Variants in L2HGDH observed in about 807,000 individuals in gnomAD.
L2HGDH encodes L-2-hydroxyglutarate dehydrogenase, mitochondrial.
A neutral mutation model predicts 51.5 loss-of-function variants in L2HGDH; 34 were observed. The observed-to-expected ratio is 0.66, with a 90% CI of 0.50 to 0.88. The LOEUF (loss-of-function observed/expected upper bound fraction) is 0.88. Among genes scored for constraint, L2HGDH ranks in the 40% least tolerant of loss-of-function variants. The pLI, the probability that L2HGDH is intolerant of heterozygous loss-of-function variation, is 0.00. For synonymous variants in L2HGDH, 198 were observed against 197.9 expected, an observed-to-expected ratio of 1.00 and a Z score of -0.01; for missense variants, 558 against 571.9, an observed-to-expected ratio of 0.98 and a Z score of 0.25.
chr14:50,284,789 G>A (rs1890474033), intron 4 of L2HGDH, among the ~76,000 whole-genome samples: 3 of 152,168 alleles, frequency 2.0e-5, no homozygotes, highest in Non-Finnish European at 4.4e-5. Flanking sequence ...TCCAGACGGT[G>A]AGTGCTATTA....
chr14:50,298,095 T>C (rs2030178797), intron 3 of L2HGDH, among the ~76,000 whole-genome samples: 1 of 151,730 alleles, frequency 6.6e-6, no homozygotes, highest in Non-Finnish European at 1.5e-5. Flanking sequence ...AATACAAAAA[T>C]TAGCCAGGCA....
In L2HGDH at chr14:50,245,602, T is replaced by G. The variant is rs182954897; in HGVS notation, c.*1456A>C. ...AATTTTTAATTTCCAAATACAAATA[T>G]TGTTGCTCTAAATAATGTGAGTTTT... On this transcript the variant is annotated 3_prime_UTR_variant, in exon 10 of 10. Coordinates refer to ENST00000267436, the MANE Select transcript of L2HGDH (RefSeq NM_024884.3). The G allele has an allele frequency of 2.1e-6, 2 of 971,092 alleles. No homozygotes were observed. Among genetic ancestry groups the G allele is most frequent in the Non-Finnish European group, 2.4e-6 (2 of 817,004 alleles). 60.2% of individuals were successfully genotyped at this position (971,092 alleles called of 1,614,324 possible).
At chr14:50,307,071 C>G (rs1327511011) in intron 1 of L2HGDH, among the ~76,000 whole-genome samples, 2 of 152,054 alleles carry the variant, frequency 1.3e-5, no homozygotes, top group Non-Finnish European at 2.9e-5. Context: ...CCGCCTCGGC[C>G]TCCCAAAATG....
chr14:50,269,368 G>C (rs756731590), intron 6 of L2HGDH, 38 bp from the exon 7 acceptor site: 43 of 1,589,426 alleles, frequency 2.7e-5, no homozygotes, highest in Non-Finnish European at 3.5e-5. Flanking sequence ...TGTATAAAGT[G>C]GAGTAGAATA....
chr14:50,263,904 T>C (rs928256799), intron 9 of L2HGDH, among the ~76,000 whole-genome samples: 19 of 150,728 alleles, frequency 1.3e-4, no homozygotes, highest in Non-Finnish European at 2.4e-4. Context: ...GCCTCCCAAA[T>C]AGCTGGGATT....
intron 9 of L2HGDH, among the ~76,000 whole-genome samples, chr14:50,260,868 C>A (rs1888975940): frequency 6.6e-6 from 1 of 152,114 alleles, no homozygotes; most frequent in South Asian, 2.1e-4. Context: ...GTAATCCTAG[C>A]ACTTTGGGAG....
intron 9 of L2HGDH, among the ~76,000 whole-genome samples, chr14:50,250,293 T>C (rs999575803): frequency 1.3e-5 from 2 of 152,078 alleles, no homozygotes; most frequent in Non-Finnish European, 2.9e-5. Context: ...CCAGGCAGCT[T>C]TCACCACAAG....
At chr14:50,281,707 C>A (rs537750622) in intron 5 of L2HGDH, among the ~76,000 whole-genome samples, 5,288 of 152,192 alleles carry the variant, frequency 0.035, 301 homozygotes, top group African/African-American at 0.12. Flanking sequence ...TTTTTTCAGT[C>A]TACTGGTTTA....
At chr14:50,260,887 G>A (rs1007258132) in intron 9 of L2HGDH, among the ~76,000 whole-genome samples, 7 of 152,088 alleles carry the variant, frequency 4.6e-5, no homozygotes, top group Non-Finnish European at 5.9e-5. Context: ...AGGCCAAGGC[G>A]GGTGGATTAC....
chr14:50,287,350 AC>A (rs1255276730), intron 4 of L2HGDH: 12 of 977,620 alleles, frequency 1.2e-5, no homozygotes, highest in Non-Finnish European at 1.2e-5. Context: ...ACAACAGGCA[AC>A]AATCAGATAG....
chr14:50,309,924 G>C (rs1426857296), intron 1 of L2HGDH, among the ~76,000 whole-genome samples: 2 of 151,924 alleles, frequency 1.3e-5, no homozygotes, highest in Non-Finnish European at 2.9e-5. Context: ...CCAACTCTGA[G>C]GCTCAACCTA....
At chr14:50,259,030 T>A (rs1426801497) in intron 9 of L2HGDH, among the ~76,000 whole-genome samples, 8 of 146,986 alleles carry the variant, frequency 5.4e-5, no homozygotes, top group Non-Finnish European at 1.2e-4. Flanking sequence ...TTTTTTTTTT[T>A]AATTTTTACT....
chr14:50,249,514 C>T (rs955269127), intron 9 of L2HGDH, among the ~76,000 whole-genome samples: 3 of 151,838 alleles, frequency 2.0e-5, no homozygotes, highest in African/African-American at 7.3e-5. Context: ...GCATTATAGG[C>T]CCTAGCTCCT....
chr14:50,269,257 C>A lies in L2HGDH; in HGVS notation c.812G>T (p.Gly271Val). The change falls in exon 7 of 10, where the codon GGC (glycine) becomes GTC (valine). Residue 271 changes from glycine to valine, a missense_variant. Transcript: ENST00000267436. ...TACAATTCGAGGATCAGGAGTGCAG[C>A]CACTCAACTCTGAAATACGGTCTGA... ...LYSDRISELS[G>V]CTPDPRIVPF... is the part of the protein sequence containing the mutation. 6.2e-7 allele frequency: 1 copy of A among 1,613,846 alleles called. No homozygotes were observed. Among genetic ancestry groups the A allele is most frequent in the Non-Finnish European group, 8.5e-7 (1 of 1,179,806 alleles).
chr14:50,281,628 T>C (rs1298361587), intron 5 of L2HGDH, among the ~76,000 whole-genome samples: 1 of 152,108 alleles, frequency 6.6e-6, no homozygotes, highest in Non-Finnish European at 1.5e-5. Context: ...AAATAAATTA[T>C]CATTCATAGT....
In L2HGDH at chr14:50,303,131, A is replaced by G. The variant is rs201141027; in HGVS notation, c.141-114T>C. 1.5e-4 allele frequency: 113 copies of G among 734,022 alleles called. No homozygotes were observed. In the East Asian group the frequency reaches 3.2e-3, roughly 21 times the overall value. The allele number at this position is 734,022 out of a possible 1,614,324, so 45.5% of individuals were successfully genotyped here. ...AAACCATTAATTTGTAATCATGAAA[A>G]CGTATTCGGCGGCCGGTCGCAGTGG... is the stretch of plus-strand genomic sequence containing the variant. On this transcript the variant is annotated intron_variant, in intron 1 of 9. Transcript: ENST00000267436.
intron 4 of L2HGDH, chr14:50,287,155 C>T (rs1036575318): frequency 1.0e-6 from 1 of 980,292 alleles, no homozygotes; most frequent in Non-Finnish European, 1.2e-6. Context: ...CCTATGCACA[C>T]ATATCTCACT....
At position 50,297,959 on chromosome 14, in the gene L2HGDH, C is replaced by A. The variant is rs117587500; in HGVS notation, c.409-3713G>T. Among the ~76,000 whole-genome samples, 9 of 151,424 alleles carry A rather than the reference C, an allele frequency of 5.9e-5. No individual in the cohort carries two copies. In the East Asian group the frequency reaches 1.6e-3, roughly 26 times the overall value. On this transcript the variant is annotated intron_variant, in intron 3 of 9. Transcript: ENST00000267436. ...CAAAAAAAAAAACCAAAACGAACAA[C>A]AACAACAAAATGACTGGGCATGGTG...
chr14:50,277,196 G>GT (rs923361892), intron 6 of L2HGDH, among the ~76,000 whole-genome samples: 1,626 of 132,488 alleles, frequency 0.012, 31 homozygotes, highest in African/African-American at 0.038. Flanking sequence ...AAAGTAGACT[G>GT]TTTTTTTTTT....
Sources: allele counts gnomAD v4.1 joint callset (sites outside exome capture counted in the v4.1 genomes callset), GRCh38; gene constraint gnomAD v4.1.1; transcripts MANE v1.5; gene names NCBI Gene and HGNC (gene_info 2026-07-23, HGNC 2026-07-21).